DMD: variants seen among roughly 807,000 people sequenced by gnomAD.
DMD encodes the protein dystrophin, also known as mutant dystrophin.
DMD carries 63 observed loss-of-function variants against 330.1 expected under a neutral mutation model. The observed-to-expected ratio is 0.19, with a 90% CI of 0.16 to 0.24. The LOEUF is 0.24. DMD is among the 10% of genes least tolerant of loss of function. The pLI is 1.00. For synonymous variants in DMD, 1,223 were observed against 959.8 expected, an observed-to-expected ratio of 1.27 and a Z score of -5.07; for missense variants, 3,344 against 2,684.1, an observed-to-expected ratio of 1.25 and a Z score of -5.43.
At chrX:33,020,221 AT>A in intron 1 of DMD, 21 bp from the exon 2 acceptor site, 10 of 1,095,761 alleles carry the variant, frequency 9.1e-6, no homozygotes, top group Non-Finnish European at 1.1e-5. Context: ...AAATAAAAAA[AT>A]AAAAGTTAGG....
rs189147663 is a variant in DMD at position 31,606,521 on chromosome X, G to A, written c.8217+21152C>T. ...ATAATATCACAACACAGTTGCTTTC[G>A]TTATAAAATAAAGTAACATGTACAT... is the stretch of plus-strand genomic sequence containing the variant. On this transcript the variant is annotated intron_variant, in intron 55 of 78. Transcript: ENST00000357033. 2.3e-3 allele frequency among the ~76,000 whole-genome samples: 256 copies of A among 111,245 alleles called. 2 individuals carry two copies. Among genetic ancestry groups the A allele is most frequent in the African/African-American group, 7.7e-3 (235 of 30,687 alleles).
intron 1 of DMD, among the ~76,000 whole-genome samples, chrX:33,081,029 CAGA>C (rs200500721): frequency 0.15 from 16,155 of 108,093 alleles, 1,254 homozygotes; most frequent in African/African-American, 0.28. Flanking sequence ...TAAATACAGA[CAGA>C]AGATTTGGCA....
chrX:32,053,844 G>T (rs1452166941), intron 44 of DMD, among the ~76,000 whole-genome samples: 1 of 110,711 alleles, frequency 9.0e-6, no homozygotes, highest in Non-Finnish European at 1.9e-5. Context: ...TTTAAATCTT[G>T]TCCATGTTCC....
chrX:31,880,945 A>G (rs1603525368), intron 47 of DMD, among the ~76,000 whole-genome samples: 1 of 111,873 alleles, frequency 8.9e-6, no homozygotes, highest in East Asian at 2.8e-4. Flanking sequence ...TGATAGTTTC[A>G]TGAATGTTTC....
intron 5 of DMD, among the ~76,000 whole-genome samples, chrX:32,819,242 C>T (rs758779131): frequency 7.2e-5 from 8 of 110,876 alleles, no homozygotes; most frequent in Non-Finnish European, 1.5e-4. Context: ...CAGGAATTTA[C>T]AGGGATGGCT....
intron 62 of DMD, among the ~76,000 whole-genome samples, chrX:31,321,755 T>C (rs770106275): frequency 9.0e-6 from 1 of 110,689 alleles, no homozygotes; most frequent in Non-Finnish European, 1.9e-5. Context: ...ACCATCACCA[T>C]GGTCTTTAGG....
rs750361887 is a variant in DMD, at chrX:31,147,544, GA to G, written c.10554-27del. 3.1e-5 allele frequency: 29 copies of G among 930,035 alleles called. No homozygotes were observed. The African/African-American group carries it at 4.8e-4, about 15-fold the overall frequency. 76.6% of individuals were successfully genotyped at this position (930,035 alleles called of 1,213,427 possible). On this transcript the variant is annotated intron_variant, in intron 74 of 78. Transcript: ENST00000357033. ...CTATTGGCATCAAAAAAGTAAAAAA[GA>G]AAAAAAAAGAAAGAAAAAGAAAAAG...
At chrX:32,842,519 A>G (rs774420035) in intron 4 of DMD, among the ~76,000 whole-genome samples, 7 of 106,911 alleles carry the variant, frequency 6.5e-5, no homozygotes, top group Non-Finnish European at 1.3e-4. Context: ...ACCTCCCAAA[A>G]CATACTTGCA....
chrX:31,257,381 C>T (rs1425658972), intron 63 of DMD, among the ~76,000 whole-genome samples: 1 of 108,886 alleles, frequency 9.2e-6, no homozygotes, highest in Non-Finnish European at 1.9e-5. Context: ...AAACATTTGA[C>T]ACGCCAGACC....
rs893280448 is a variant in DMD at position 31,863,911 on chromosome X, G to T, written c.7098+11277C>A. Among the ~76,000 whole-genome samples the T allele has an allele frequency of 1.1e-4, 12 of 110,401 alleles. No individual in the cohort carries two copies. The East Asian group carries it at 3.1e-3, about 29-fold the overall frequency. On this transcript the variant is annotated intron_variant, in intron 48 of 78. Transcript: ENST00000357033. Reference sequence around the variant, plus strand: ...ATTCATTGGGGAAGTTGAAAAATATGATTTAAATAAAAAGGAATAATATAA... The same window carrying T: ...ATTCATTGGGGAAGTTGAAAAATATTATTTAAATAAAAAGGAATAATATAA...
At chrX:31,329,755 G>A (rs1372951630) in intron 61 of DMD, among the ~76,000 whole-genome samples, 3 of 109,547 alleles carry the variant, frequency 2.7e-5, no homozygotes, top group Middle Eastern at 4.7e-3. Context: ...AGCAGATCAC[G>A]AGGTCAAGAG....
chrX:32,456,351 G>A (rs1278273389), intron 25 of DMD, among the ~76,000 whole-genome samples: 1 of 110,675 alleles, frequency 9.0e-6, no homozygotes, highest in Non-Finnish European at 1.9e-5. Flanking sequence ...TACTAGAAAA[G>A]GTATAAATGT....
At chrX:32,579,422 C>T (rs1359589356) in intron 13 of DMD, among the ~76,000 whole-genome samples, 1 of 111,780 alleles carries the variant, frequency 8.9e-6, no homozygotes, top group Non-Finnish European at 1.9e-5. Flanking sequence ...GTCACAGAAG[C>T]CACAGTACTG....
intron 7 of DMD, among the ~76,000 whole-genome samples, chrX:32,728,064 G>C (rs1442040324): frequency 1.8e-5 from 2 of 111,394 alleles, no homozygotes; most frequent in Non-Finnish European, 3.8e-5. Flanking sequence ...TCCTCAGTTA[G>C]GCAGGGATTG....
chrX:32,592,368 T>C (rs1234835938), intron 13 of DMD, among the ~76,000 whole-genome samples: 1 of 110,904 alleles, frequency 9.0e-6, no homozygotes, highest in Non-Finnish European at 1.9e-5. Context: ...AACTTAGACA[T>C]TGGGACTACC....
chrX:32,629,300 T>A (rs2058579534), intron 11 of DMD, among the ~76,000 whole-genome samples: 1 of 112,184 alleles, frequency 8.9e-6, no homozygotes, highest in Admixed American at 9.5e-5. Flanking sequence ...GTTTTTGTCT[T>A]GAAACCTATT....
intron 9 of DMD, among the ~76,000 whole-genome samples, chrX:32,672,225 T>G (rs1050046538): frequency 2.7e-5 from 3 of 110,885 alleles, no homozygotes; most frequent in African/African-American, 6.5e-5. Flanking sequence ...TAAAGATGAC[T>G]TTGATTGATA....
intron 9 of DMD, among the ~76,000 whole-genome samples, chrX:32,650,799 C>T (rs771550232): frequency 8.9e-6 from 1 of 112,118 alleles, no homozygotes; most frequent in South Asian, 3.7e-4. Flanking sequence ...CAACAATCAA[C>T]AACAAATACA....
intron 1 of DMD, among the ~76,000 whole-genome samples, chrX:33,309,475 A>G (rs1569559784): frequency 9.0e-6 from 1 of 111,323 alleles, no homozygotes; most frequent in Non-Finnish European, 1.9e-5. Flanking sequence ...TTAAACATAA[A>G]TATAAATAAA....
Sources: gnomAD v4.1 joint callset for allele counts (sites outside exome capture counted in the v4.1 genomes callset) on GRCh38, gnomAD v4.1.1 for gene constraint, MANE v1.5 for transcripts, NCBI Gene and HGNC (gene_info 2026-07-23, HGNC 2026-07-21) for gene names.